The following AFAP1 variants were observed in gnomAD, a reference collection of about 807,000 sequenced individuals.
AFAP1 encodes the protein actin filament associated protein 1, also known as actin filament-associated protein 1.
Under a neutral mutation model 93.9 loss-of-function variants are expected in AFAP1, and 75 were observed. The ratio of observed to expected loss-of-function variants is 0.80; its 90% CI spans 0.66 to 0.97. AFAP1 has a LOEUF of 0.97. AFAP1 is among the 50% of genes least tolerant of loss of function. The pLI is 0.00. For synonymous variants in AFAP1, 517 were observed against 430.7 expected, an observed-to-expected ratio of 1.20 and a Z score of -2.48; for missense variants, 1,201 against 1,050.8, an observed-to-expected ratio of 1.14 and a Z score of -1.98.
chr4:7,772,777 C>G lies in AFAP1; in HGVS notation c.2253+43G>C, dbSNP rs60282676. On this transcript the variant is annotated intron_variant, in intron 16 of 17. Coordinates refer to ENST00000420658, the MANE Select transcript of AFAP1 (RefSeq NM_001134647.2). The stretch of plus-strand genomic sequence containing the variant: ...CTGGGTGCACTGGCCCTCGGCCACG[C>G]AAGGCCGCGCCAGCCTCCGAGGTGA... The G allele has an allele frequency of 0.01, 16,397 of 1,590,106 alleles. 1,306 individuals are homozygous for G. The African/African-American group carries it at 0.18, about 18-fold the overall frequency.
Position 7,761,083 on chromosome 4 carries a change from A to C in AFAP1, c.*2682T>G, listed in dbSNP as rs1713716724. 6.6e-6 allele frequency: 1 copy of C among 152,286 alleles called. No homozygotes were observed. The highest frequency in any genetic ancestry group is 1.5e-5 in the Non-Finnish European group (1 of 68,046). 9.4% of individuals were successfully genotyped at this position (152,286 alleles called of 1,614,324 possible). On this transcript the variant is annotated 3_prime_UTR_variant, in exon 18 of 18. Transcript: ENST00000420658. ...CTGGGGCATGTTTTGGGAGGGGAAT[A>C]AAATGACATCACTGTCAGAATTCTG...
intron 1 of AFAP1, among the ~76,000 whole-genome samples, chr4:7,929,270 A>C (rs1392176817): frequency 6.6e-6 from 1 of 152,136 alleles, no homozygotes; most frequent in Admixed American, 6.5e-5. Context: ...CTGATGTCCA[A>C]ACAGGTGGAC....
chr4:7,936,331 T>C (rs929014098), intron 1 of AFAP1, among the ~76,000 whole-genome samples: 2 of 152,004 alleles, frequency 1.3e-5, no homozygotes, highest in African/African-American at 2.4e-5. Context: ...TTTATTTACC[T>C]TTTTATTTTT....
In AFAP1 at chr4:7,879,820, G is replaced by A. The variant is rs796405727; in HGVS notation, c.-2-7740C>T. Among the ~76,000 whole-genome samples, 71 of 150,122 alleles carry A rather than the reference G, an allele frequency of 4.7e-4. 1 individual carries two copies. The highest frequency in any genetic ancestry group is 1.7e-3 in the African/African-American group (69 of 40,814). Reference sequence around the variant, plus strand: ...AGCTGGGACTGCAGGCACGCACCACGACGCCCAACTAATTTTTTAAATTTT... The same window carrying A: ...AGCTGGGACTGCAGGCACGCACCACAACGCCCAACTAATTTTTTAAATTTT... On this transcript the variant is annotated intron_variant, in intron 1 of 17. Transcript: ENST00000420658.
chr4:7,802,900 C>T (rs138051059), intron 9 of AFAP1, among the ~76,000 whole-genome samples: 2 of 152,124 alleles, frequency 1.3e-5, no homozygotes, highest in African/African-American at 2.4e-5. Context: ...CCACCCGCCT[C>T]GGCCTCCCAA....
At chr4:7,841,381 C>G (rs371639651) in intron 5 of AFAP1, among the ~76,000 whole-genome samples, 1 of 152,220 alleles carries the variant, frequency 6.6e-6, no homozygotes, top group African/African-American at 2.4e-5. Context: ...AGACAGTCCC[C>G]GAGGTGGGCT....
At chr4:7,832,002 G>A (rs992388496) in intron 6 of AFAP1, among the ~76,000 whole-genome samples, 2 of 152,152 alleles carry the variant, frequency 1.3e-5, no homozygotes. Context: ...TAGACCCCCT[G>A]CTTGATCGCT....
chr4:7,869,168 GA>G (rs1465366687), intron 2 of AFAP1, among the ~76,000 whole-genome samples: 1 of 148,708 alleles, frequency 6.7e-6, no homozygotes, highest in Non-Finnish European at 1.5e-5. Context: ...AAAGGGAAAA[GA>G]AAAGAAAAGA....
intron 1 of AFAP1, among the ~76,000 whole-genome samples, chr4:7,930,795 G>T (rs2149244831): frequency 6.6e-6 from 1 of 152,248 alleles, no homozygotes; most frequent in South Asian, 2.1e-4. Flanking sequence ...CTGTTGCCCA[G>T]GCTGGAGTGC....
chr4:7,772,945 CCTT>C lies in AFAP1; in HGVS notation c.2125_2127del (p.Lys709del). ...AGCTCCAGGCTGACACGCTCCGCCT[CCTT>C]CTGCCGGCACTCCTCCTCCAGCTGC... is the stretch of plus-strand genomic sequence containing the variant. On this transcript the variant is annotated inframe_deletion, in exon 16 of 18. Transcript: ENST00000420658. 1.9e-6 allele frequency: 3 copies of C among 1,613,782 alleles called. No homozygotes were observed. The highest frequency in any genetic ancestry group is 2.5e-6 in the Non-Finnish European group (3 of 1,180,026).
At chr4:7,851,670 G>A (rs1335001203) in intron 4 of AFAP1, among the ~76,000 whole-genome samples, 6 of 152,186 alleles carry the variant, frequency 3.9e-5, no homozygotes, top group Non-Finnish European at 8.8e-5. Flanking sequence ...TAGAGGTTAT[G>A]CATGAACTCA....
At chr4:7,772,546 A>T (rs1459879386) in intron 16 of AFAP1, 1 of 371,006 alleles carries the variant, frequency 2.7e-6, no homozygotes, top group African/African-American at 2.1e-5. Flanking sequence ...CGAGGACTGG[A>T]TCTGTTCTAA....
intron 6 of AFAP1, among the ~76,000 whole-genome samples, chr4:7,828,486 G>C (rs1019140074): frequency 6.6e-6 from 1 of 152,200 alleles, no homozygotes; most frequent in Non-Finnish European, 1.5e-5. Context: ...AAAGGAGTGT[G>C]GGAAGCGGTG....
chr4:7,783,284 T>C (rs1350735889), intron 12 of AFAP1, among the ~76,000 whole-genome samples: 2 of 152,098 alleles, frequency 1.3e-5, no homozygotes, highest in African/African-American at 4.8e-5. Flanking sequence ...GGATTACAGA[T>C]ACCCACCACC....
chr4:7,902,826 G>GA (rs1719192131), intron 1 of AFAP1, among the ~76,000 whole-genome samples: 3 of 152,092 alleles, frequency 2.0e-5, no homozygotes, highest in Admixed American at 6.5e-5. Context: ...AGCGCTCCTG[G>GA]GCCTCAGCCT....
intron 12 of AFAP1, among the ~76,000 whole-genome samples, 191 bp downstream of exon 12, chr4:7,786,003 T>C (rs1560156785): frequency 6.6e-6 from 1 of 152,186 alleles, no homozygotes; most frequent in Non-Finnish European, 1.5e-5. Context: ...ACTATCCACT[T>C]GTTCAAATGC....
intron 17 of AFAP1, among the ~76,000 whole-genome samples, chr4:7,765,475 G>A (rs1314996630): frequency 6.6e-6 from 1 of 152,238 alleles, no homozygotes; most frequent in Non-Finnish European, 1.5e-5. Flanking sequence ...CTACTGGACA[G>A]CGCCCTCCGT....
intron 13 of AFAP1, among the ~76,000 whole-genome samples, chr4:7,780,217 G>C (rs753857570): frequency 2.0e-5 from 3 of 152,176 alleles, no homozygotes; most frequent in Non-Finnish European, 4.4e-5. Flanking sequence ...ACTACACTTA[G>C]CTCAGGGCCA....
At chr4:7,870,079 C>T (rs560319408) in intron 2 of AFAP1, among the ~76,000 whole-genome samples, 252 of 152,184 alleles carry the variant, frequency 1.7e-3, no homozygotes, top group Middle Eastern at 6.8e-3. Context: ...TATTTTATAC[C>T]GTCTCATTCA....
Sources: gnomAD v4.1 joint callset for allele counts (sites outside exome capture counted in the v4.1 genomes callset) on GRCh38, gnomAD v4.1.1 for gene constraint, MANE v1.5 for transcripts, NCBI Gene and HGNC (gene_info 2026-07-23, HGNC 2026-07-21) for gene names.